Variants in EDC4 observed in about 807,000 individuals in gnomAD.
EDC4 encodes the protein enhancer of mRNA-decapping protein 4.
Under a neutral mutation model 155.8 loss-of-function variants are expected in EDC4, and 64 were observed. The observed-to-expected ratio is 0.41, with a 90% confidence interval of 0.34 to 0.51. EDC4 has a LOEUF of 0.51. EDC4 is among the 20% of genes least tolerant of loss of function. The pLI, the probability that EDC4 is intolerant of heterozygous loss-of-function variation, is 0.19. For synonymous variants in EDC4, 684 were observed against 716.8 expected (o/e 0.95, Z 0.73); for missense variants, 1,303 against 1,812.5 (o/e 0.72, Z 5.10).
Position 67,879,863 on chromosome 16 carries a change from C to CCAGCAG in EDC4, c.1846_1851dup (p.Ser616_Ser617dup), listed in dbSNP as rs751388975. 41 of 1,612,680 alleles carry CCAGCAG rather than the reference C, an allele frequency of 2.5e-5. No homozygotes were observed. The highest frequency in any genetic ancestry group is 3.3e-5 in the Admixed American group (2 of 59,940). On this transcript the variant is annotated inframe_insertion, in exon 16 of 29. Transcript: ENST00000358933. This position sits in a 1 kb window ranked among gnomAD's most constrained non-coding sequence, Gnocchi z 6.0. ...GCATCTCCCCAGATCACTGCCTCTCCCAGCAGCAGCAGCAGCGGTAGCAGC... is the reference window on the plus strand; with the variant it reads ...GCATCTCCCCAGATCACTGCCTCTCCCAGCAGCAGCAGCAGCAGCAGCGGTAGCAGC...
chr16:67,880,613 G>C lies in EDC4; in HGVS notation c.2154G>C (p.Gly718=). The change falls in exon 18 of 29, where the codon GGG becomes GGC. Residue 718 remains glycine (G), a synonymous_variant. Coordinates refer to ENST00000358933, the MANE Select transcript of EDC4 (RefSeq NM_014329.5). This position sits in a 1 kb window ranked among gnomAD's most constrained non-coding sequence, Gnocchi z 5.2. ...SLELQEVEPL[G]LPQASPSRTR... The stretch of plus-strand genomic sequence containing the variant: ...AGCTGCAGGAAGTGGAGCCCCTGGG[G>C]CTACCCCAAGCCTCCCCTAGCCGCA... The C allele has an allele frequency of 6.2e-7, 1 of 1,614,076 alleles. No individual in the cohort carries two copies. Among genetic ancestry groups the C allele is most frequent in the Non-Finnish European group, 8.5e-7 (1 of 1,180,020 alleles).
chr16:67,874,781 CA>C (rs1221348903), intron 1 of EDC4, among the ~76,000 whole-genome samples: 1 of 152,164 alleles, frequency 6.6e-6, no homozygotes, highest in Non-Finnish European at 1.5e-5. Flanking sequence ...ACGACCAGGT[CA>C]GAACTCAGAC....
chr16:67,878,200 C>G lies in EDC4; in HGVS notation c.929C>G (p.Thr310Ser). The G allele has an allele frequency of 6.2e-7, 1 of 1,614,204 alleles. No homozygotes were observed. Among genetic ancestry groups the G allele is most frequent in the Non-Finnish European group, 8.5e-7 (1 of 1,180,044 alleles). ...LSEGALSPDGTVLATASHDGY... is the reference protein window; with the variant it reads ...LSEGALSPDGSVLATASHDGY... ...GAAGGAGCCCTCTCTCCTGATGGGA[C>G]TGTGCTGGCTACTGCGAGCCACGAT... is the stretch of plus-strand genomic sequence containing the variant. The change falls in exon 8 of 29, where the codon ACT becomes AGT. Residue 310 changes from threonine (T) to serine (S), a missense_variant. By Grantham distance (58) the Thr-to-Ser change is moderately conservative. This residue lies in a region of EDC4 where 235 missense variants were observed against 367.7 expected (regional missense o/e 0.64). Transcript: ENST00000358933. This position sits in a 1 kb window ranked among gnomAD's most constrained non-coding sequence, Gnocchi z 5.2.
At position 67,881,674 on chromosome 16, in the gene EDC4, G is replaced by A. The variant is rs2058068793; in HGVS notation, c.2833G>A (p.Glu945Lys). The A allele has an allele frequency of 1.2e-6, 2 of 1,612,432 alleles. No homozygotes were observed. The highest frequency in any genetic ancestry group is 2.2e-5 in the South Asian group (2 of 91,064). ...CTGTCAGTGCTACTGACAGGTGGCA[G>A]AGCCCCCTGAGGACTGGCCAGCACT... is the stretch of plus-strand genomic sequence containing the variant. Reference protein sequence around the residue: ...GSRLTEHQVAEPPEDWPALIW... With the variant: ...GSRLTEHQVAKPPEDWPALIW... Residue 945 changes from glutamate to lysine, a missense_variant, in exon 22 of 29, where the codon GAG becomes AAG. Physicochemically the swap from Glu to Lys is moderately conservative, Grantham distance 56. Around this residue, in one of 5 missense-constraint regions of EDC4, gnomAD observed 527 missense variants for 757.0 expected, o/e 0.70. Coordinates refer to ENST00000358933, the MANE Select transcript of EDC4 (RefSeq NM_014329.5). The surrounding 1 kb of genome is among the most constrained non-coding windows in gnomAD (Gnocchi z 5.4).
intron 1 of EDC4, 34 bp from the exon 2 acceptor site, chr16:67,875,911 G>A: frequency 6.3e-7 from 1 of 1,598,230 alleles, no homozygotes; most frequent in Non-Finnish European, 8.5e-7. Flanking sequence ...GGCAGGTCGA[G>A]CAACCTTATC....
In EDC4 at chr16:67,883,956, C is replaced by T. The variant is rs370577533; in HGVS notation, c.4014C>T (p.Ser1338=). The T allele has an allele frequency of 1.1e-5, 18 of 1,590,878 alleles. No individual in the cohort carries two copies. The highest frequency in any genetic ancestry group is 1.5e-5 in the Non-Finnish European group (17 of 1,164,374). Residue 1338 remains serine, a splice_region_variant and synonymous_variant, in exon 29 of 29, where the codon AGC becomes AGT. Transcript: ENST00000358933. The surrounding 1 kb of genome is among the most constrained non-coding windows in gnomAD (Gnocchi z 5.3). ...CCTGTCCTTTCCCCCCCATCCCCAG[C>T]TACCTGGAAGAGGCCGTGATGCACC... ...DLGTRTDLKL[S]YLEEAVMHLD...
rs1183139272 is a variant in EDC4, at chr16:67,877,879, C to T, written c.894+34C>T. On this transcript the variant is annotated intron_variant, in intron 7 of 28. Coordinates refer to ENST00000358933, the MANE Select transcript of EDC4 (RefSeq NM_014329.5). This position sits in a 1 kb window ranked among gnomAD's most constrained non-coding sequence, Gnocchi z 4.9. ...GTGACTGCCTGCCTCCCCTGCCCTC[C>T]CCACTTCCTCATATCCATCTTCTGT... is the stretch of plus-strand genomic sequence containing the variant. 6.2e-7 allele frequency: 1 copy of T among 1,612,048 alleles called. No homozygotes were observed. The highest frequency in any genetic ancestry group is 8.5e-7 in the Non-Finnish European group (1 of 1,179,268).
At position 67,883,449 on chromosome 16, in the gene EDC4, C is replaced by T; in HGVS notation, c.3850-119C>T. 2 of 1,459,198 alleles carry T rather than the reference C, an allele frequency of 1.4e-6. No homozygotes were observed. Among genetic ancestry groups the T allele is most frequent in the South Asian group, 1.3e-5 (1 of 79,420 alleles). The allele number at this position is 1,459,198 out of a possible 1,614,324, so 90.4% of individuals were successfully genotyped here. On this transcript the variant is annotated intron_variant, in intron 27 of 28. Coordinates refer to ENST00000358933, the MANE Select transcript of EDC4 (RefSeq NM_014329.5). This position sits in a 1 kb window ranked among gnomAD's most constrained non-coding sequence, Gnocchi z 5.3. Reference sequence around the variant, plus strand: ...ACAGCCCTACAGGCTCTCTCTGAGTCCCTCTGGAGCTCTCACTAGCCCACC... The same window carrying T: ...ACAGCCCTACAGGCTCTCTCTGAGTTCCTCTGGAGCTCTCACTAGCCCACC...
In EDC4 at chr16:67,877,675, C is replaced by G; in HGVS notation, c.789+19C>G. 1.2e-6 allele frequency: 2 copies of G among 1,613,958 alleles called. No individual in the cohort carries two copies. The highest frequency in any genetic ancestry group is 1.7e-6 in the Non-Finnish European group (2 of 1,179,988). ...AGACCGGGTGAGGGGGCTGACATGG[C>G]GAAGAGGCGCCAGAGAAGCCATAGT... is the stretch of plus-strand genomic sequence containing the variant. On this transcript the variant is annotated intron_variant, in intron 6 of 28. Transcript: ENST00000358933. The surrounding 1 kb of genome is among the most constrained non-coding windows in gnomAD (Gnocchi z 4.9).
rs1198671484 is a variant in EDC4 at position 67,883,156 on chromosome 16, C to T, written c.3828C>T (p.His1276=). 6.3e-7 allele frequency: 1 copy of T among 1,590,922 alleles called. No individual in the cohort carries two copies. Among genetic ancestry groups the T allele is most frequent in the East Asian group, 2.3e-5 (1 of 43,892 alleles). The change falls in exon 27 of 29, where the codon CAC becomes CAT. Residue 1276 remains histidine (H), a synonymous_variant. Transcript: ENST00000358933. This position sits in a 1 kb window ranked among gnomAD's most constrained non-coding sequence, Gnocchi z 5.3. ...AHILQLLQQG[H]LNQAFQQALT... is the part of the protein sequence containing the mutation. The stretch of plus-strand genomic sequence containing the variant: ...TCCTGCAGCTGCTGCAGCAGGGCCA[C>T]CTCAATCAGGCCTTCCAGCAGGTAC...
Position 67,883,486 on chromosome 16 carries a change from C to G in EDC4, c.3850-82C>G. ...CTCACTAGCCCACCCTGTGGTCATC[C>G]TCCCCCAGGCCACACAGTTCAGACA... On this transcript the variant is annotated intron_variant, in intron 27 of 28. Transcript: ENST00000358933. This position sits in a 1 kb window ranked among gnomAD's most constrained non-coding sequence, Gnocchi z 5.3. 22 of 1,564,504 alleles carry G rather than the reference C, an allele frequency of 1.4e-5. No homozygotes were observed. The highest frequency in any genetic ancestry group is 1.8e-5 in the Non-Finnish European group (21 of 1,154,580).
rs2058044706 is a variant in EDC4 at position 67,877,026 on chromosome 16, C to G, written c.451+54C>G. ...TGTTCTGCTGGATGTCCCACAGAGC[C>G]AGTTCCAACATCAGGCCACTCAGGC... On this transcript the variant is annotated intron_variant, in intron 4 of 28. Coordinates refer to ENST00000358933, the MANE Select transcript of EDC4 (RefSeq NM_014329.5). This position sits in a 1 kb window ranked among gnomAD's most constrained non-coding sequence, Gnocchi z 4.9. 8 of 1,603,376 alleles carry G rather than the reference C, an allele frequency of 5.0e-6. No individual in the cohort carries two copies. The highest frequency in any genetic ancestry group is 6.0e-6 in the Non-Finnish European group (7 of 1,174,218).
chr16:67,883,322 C>G lies in EDC4; in HGVS notation c.3849+145C>G. The G allele has an allele frequency of 7.3e-7, 1 of 1,362,154 alleles. No individual in the cohort carries two copies. Among genetic ancestry groups the G allele is most frequent in the Non-Finnish European group, 9.8e-7 (1 of 1,020,762 alleles). 84.4% of individuals were successfully genotyped at this position (1,362,154 alleles called of 1,614,324 possible). ...CCCTTTGGCCTCCAGGCCATTGTCCCTGCTGCTTCCTCTTCCTGGACCCCT... is the reference window on the plus strand; with the variant it reads ...CCCTTTGGCCTCCAGGCCATTGTCCGTGCTGCTTCCTCTTCCTGGACCCCT... On this transcript the variant is annotated intron_variant, in intron 27 of 28. Transcript: ENST00000358933. This position sits in a 1 kb window ranked among gnomAD's most constrained non-coding sequence, Gnocchi z 5.3.
At chr16:67,875,791 C>T (rs2058038850) in intron 1 of EDC4, 154 bp from the exon 2 acceptor site, 5 of 1,459,248 alleles carry the variant, frequency 3.4e-6, no homozygotes, top group East Asian at 4.8e-5. Flanking sequence ...GTTTATGGAA[C>T]GAGAGATGAA....
intron 1 of EDC4, among the ~76,000 whole-genome samples, chr16:67,874,206 G>A (rs987229053): frequency 2.0e-5 from 3 of 152,174 alleles, no homozygotes; most frequent in Non-Finnish European, 4.4e-5. Flanking sequence ...CACCTATTAG[G>A]AAGAGGAAAT....
Position 67,882,374 on chromosome 16 carries a change from T to A in EDC4, c.3276+47T>A. On this transcript the variant is annotated intron_variant, in intron 24 of 28. Transcript: ENST00000358933. This position sits in a 1 kb window ranked among gnomAD's most constrained non-coding sequence, Gnocchi z 7.2. ...GGGTGGAGGTGGTGGTTCCTGGGCCTAGTCAGGCCAGGCTGGGCTCAGGCT... is the reference window on the plus strand; with the variant it reads ...GGGTGGAGGTGGTGGTTCCTGGGCCAAGTCAGGCCAGGCTGGGCTCAGGCT... The A allele has an allele frequency of 6.2e-7, 1 of 1,613,248 alleles. No homozygotes were observed. The highest frequency in any genetic ancestry group is 8.5e-7 in the Non-Finnish European group (1 of 1,179,420).
chr16:67,875,769 G>C, intron 1 of EDC4, 176 bp from the exon 2 acceptor site: 1 of 1,427,606 alleles, frequency 7.0e-7, no homozygotes, highest in Non-Finnish European at 9.1e-7. Context: ...CCTTGGTCCT[G>C]CCTACATCAG....
chr16:67,874,777 A>G (rs1457869404), intron 1 of EDC4, among the ~76,000 whole-genome samples: 7 of 152,196 alleles, frequency 4.6e-5, no homozygotes, highest in Non-Finnish European at 1.0e-4. Flanking sequence ...CTGGACGACC[A>G]GGTCAGAACT....
intron 1 of EDC4, among the ~76,000 whole-genome samples, chr16:67,875,073 T>C (rs1393275778): frequency 6.6e-6 from 1 of 152,164 alleles, no homozygotes; most frequent in Non-Finnish European, 1.5e-5. Context: ...ACTGGAAACT[T>C]GCTATGTTCT....
Sources: allele counts gnomAD v4.1 joint callset (sites outside exome capture counted in the v4.1 genomes callset), GRCh38; gene constraint gnomAD v4.1.1; regional missense constraint gnomAD v4.1.1; non-coding constraint Gnocchi (gnomAD v3.1); transcripts MANE v1.5; gene names NCBI Gene and HGNC (gene_info 2026-07-23, HGNC 2026-07-21).